The following CRLF2 variants were observed in gnomAD, a reference collection of about 807,000 sequenced individuals.
CRLF2 encodes the protein cytokine receptor like factor 2.
Under a neutral mutation model 38.7 loss-of-function variants are expected in CRLF2, and 41 were observed. The ratio of observed to expected loss-of-function variants is 1.06; its 90% CI spans 0.83 to 1.37. The LOEUF is 1.37. CRLF2 is among the 40% of genes most tolerant of loss of function. CRLF2 has a pLI of 0.00. For synonymous variants in CRLF2, 140 were observed against 128.8 expected (o/e 1.09, Z -0.59); for missense variants, 377 against 322.2 (o/e 1.17, Z -1.30).
At chrX:1,204,250 T>C (rs1314781254) in intron 3 of CRLF2, among the ~76,000 whole-genome samples, 1 of 151,608 alleles carries the variant, frequency 6.6e-6, no homozygotes, top group Non-Finnish European at 1.5e-5. Flanking sequence ...TTATTTGAGA[T>C]GGAGTTTCAC....
intron 5 of CRLF2, among the ~76,000 whole-genome samples, chrX:1,197,238 A>G (rs1191714569): frequency 6.7e-5 from 10 of 150,230 alleles, no homozygotes; most frequent in African/African-American, 2.0e-4. Context: ...GATGACAGGC[A>G]TCCGCCACCA....
Position 1,212,562 on chromosome X carries a change from C to G in CRLF2, c.73G>C (p.Gly25Arg). ...LGGWMALGQG[G>R]AAEGVQIQII... The stretch of plus-strand genomic sequence containing the variant: ...AGGGTGTTTAAATAATTACCTGCTC[C>G]TCCTTGCCCCAAAGCCATCCAGCCT... The change falls in exon 1 of 8, where the codon GGA becomes CGA. Residue 25 changes from glycine (G) to arginine (R), a missense_variant. Gly to Arg is a moderately radical substitution (Grantham distance 125). Coordinates refer to ENST00000400841, the MANE Select transcript of CRLF2 (RefSeq NM_022148.4). 1 of 1,611,772 alleles carries G rather than the reference C, an allele frequency of 6.2e-7. No individual in the cohort carries two copies. The highest frequency in any genetic ancestry group is 1.1e-5 in the South Asian group (1 of 91,014).
At chrX:1,203,479 T>G (rs2086643633) in intron 3 of CRLF2, among the ~76,000 whole-genome samples, 1 of 151,942 alleles carries the variant, frequency 6.6e-6, no homozygotes, top group Non-Finnish European at 1.5e-5. Context: ...GGAAATAGGC[T>G]CTCTGCAGAT....
At chrX:1,202,131 T>A (rs1341112597) in intron 4 of CRLF2, among the ~76,000 whole-genome samples, 2 of 151,806 alleles carry the variant, frequency 1.3e-5, no homozygotes. Context: ...TAGAATGATA[T>A]AGATAGATTG....
chrX:1,210,449 G>A (rs1321926954), intron 1 of CRLF2, among the ~76,000 whole-genome samples: 1 of 152,128 alleles, frequency 6.6e-6, no homozygotes, highest in African/African-American at 2.4e-5. Flanking sequence ...AAGTAGCTGG[G>A]ACTACAGGCA....
At chrX:1,194,900 C>T (rs1334196369) in intron 6 of CRLF2, among the ~76,000 whole-genome samples, 22 of 151,970 alleles carry the variant, frequency 1.4e-4, no homozygotes, top group South Asian at 1.0e-3. Context: ...GGTGTGGTGG[C>T]GCGCACCTGT....
chrX:1,207,197 CGGCCTCCCAGAGTGCT>C (rs1397523742), intron 2 of CRLF2, among the ~76,000 whole-genome samples: 1 of 152,104 alleles, frequency 6.6e-6, no homozygotes. Flanking sequence ...CCACCCGCCT[CGGCCTCCCAGAGTGCT>C]GGGATTACAG....
At chrX:1,192,167 T>G (rs1208803920) in intron 7 of CRLF2, among the ~76,000 whole-genome samples, 55 of 130,814 alleles carry the variant, frequency 4.2e-4, no homozygotes, top group Admixed American at 5.2e-4. Context: ...ATCCCGCCAC[T>G]GCACTCCAGC....
intron 6 of CRLF2, among the ~76,000 whole-genome samples, chrX:1,194,289 C>G (rs1353895646): frequency 6.7e-6 from 1 of 149,298 alleles, no homozygotes; most frequent in African/African-American, 2.5e-5. Context: ...GACTCCGTCT[C>G]AAAAAAAACA....
At chrX:1,197,139 C>G (rs2086495574) in intron 5 of CRLF2, among the ~76,000 whole-genome samples, 2 of 141,470 alleles carry the variant, frequency 1.4e-5, no homozygotes, top group South Asian at 4.5e-4. Flanking sequence ...GTTGCCCAGG[C>G]TGGAGTGCAG....
rs1209666534 is a variant in CRLF2 at position 1,197,713 on chromosome X, C to G, written c.647-813G>C. Among the ~76,000 whole-genome samples the G allele has an allele frequency of 2.6e-5, 4 of 151,856 alleles. No individual in the cohort carries two copies. The East Asian group carries it at 7.8e-4, about 29-fold the overall frequency. ...CCTGTAGTCCCAGCTACTTGGGAGGCTGAGGCAGGAGAATCACTTGAACTC... is the reference window on the plus strand; with the variant it reads ...CCTGTAGTCCCAGCTACTTGGGAGGGTGAGGCAGGAGAATCACTTGAACTC... On this transcript the variant is annotated intron_variant, in intron 5 of 7. Transcript: ENST00000400841.
chrX:1,199,072 C>G (rs2086555281), intron 4 of CRLF2: 1 of 406,100 alleles, frequency 2.5e-6, no homozygotes, highest in African/African-American at 2.1e-5. Context: ...TCGCTTGAAC[C>G]TGGGAGGCGA....
intron 3 of CRLF2, among the ~76,000 whole-genome samples, chrX:1,205,061 A>C (rs2086668412): frequency 6.6e-6 from 1 of 152,140 alleles, no homozygotes; most frequent in Admixed American, 6.6e-5. Context: ...TCCAGACCTC[A>C]AGTGATCCGC....
intron 1 of CRLF2, among the ~76,000 whole-genome samples, chrX:1,211,235 G>C (rs2086791611): frequency 1.3e-5 from 2 of 150,164 alleles, no homozygotes; most frequent in African/African-American, 4.9e-5. Context: ...GTACATGGAT[G>C]GGTGGGTGGG....
intron 5 of CRLF2, among the ~76,000 whole-genome samples, chrX:1,197,967 A>G (rs1304825073): frequency 1.3e-5 from 2 of 152,082 alleles, no homozygotes; most frequent in Admixed American, 6.6e-5. Context: ...GCGCCACTGC[A>G]CTCCAGCCTG....
intron 6 of CRLF2, among the ~76,000 whole-genome samples, chrX:1,196,101 G>A (rs1470871602): frequency 3.4e-5 from 5 of 148,066 alleles, no homozygotes; most frequent in South Asian, 2.1e-4. Flanking sequence ...GGCTGGTCTC[G>A]AACTCCTGAC....
At chrX:1,206,798 A>G (rs2086698876) in intron 2 of CRLF2, among the ~76,000 whole-genome samples, 199 bp from the exon 3 acceptor site, 2 of 151,056 alleles carry the variant, frequency 1.3e-5, no homozygotes, top group East Asian at 3.9e-4. Flanking sequence ...ACCTGCCACC[A>G]TATACAGCTA....
intron 1 of CRLF2, among the ~76,000 whole-genome samples, chrX:1,209,480 C>T (rs1445035047): frequency 6.7e-5 from 10 of 150,114 alleles, no homozygotes; most frequent in Non-Finnish European, 1.0e-4. Flanking sequence ...TACAGGTGCC[C>T]GCCACCATGC....
intron 6 of CRLF2, among the ~76,000 whole-genome samples, chrX:1,195,359 G>A (rs2086457258): frequency 1.3e-5 from 2 of 152,012 alleles, no homozygotes; most frequent in Admixed American, 1.3e-4. Context: ...TTAGATCTTG[G>A]ACCATTCTTC....
Sources: allele counts gnomAD v4.1 joint callset (sites outside exome capture counted in the v4.1 genomes callset), GRCh38; gene constraint gnomAD v4.1.1; transcripts MANE v1.5; gene names NCBI Gene and HGNC (gene_info 2026-07-23, HGNC 2026-07-21).